Variants in ACYP2 observed in about 807,000 individuals in gnomAD.
ACYP2 encodes the protein acylphosphatase-2.
ACYP2 carries 12 observed loss-of-function variants against 11.2 expected under a neutral mutation model. That is an observed-to-expected ratio of 1.08 (90% confidence interval 0.69 to 1.74). The LOEUF (loss-of-function observed/expected upper bound fraction) is 1.74. ACYP2 is among the 40% of genes most tolerant of loss of function. The probability of loss-of-function intolerance (pLI) is 0.00; values close to 1 mark genes in which losing one functional copy is unlikely to be tolerated. For synonymous variants in ACYP2, 43 were observed against 32.2 expected (o/e 1.33, Z -1.13); for missense variants, 134 against 101.9 (o/e 1.31, Z -1.35).
intron 6 of ACYP2, among the ~76,000 whole-genome samples, chr2:54,140,069 T>G (rs1681517835): frequency 6.6e-6 from 1 of 152,212 alleles, no homozygotes; most frequent in African/African-American, 2.4e-5. Flanking sequence ...CACCTCAAAT[T>G]GAAAAGTGGG....
chr2:54,024,989 C>G (rs1268690807), intron 2 of ACYP2, among the ~76,000 whole-genome samples: 1 of 152,088 alleles, frequency 6.6e-6, no homozygotes, highest in African/African-American at 2.4e-5. Context: ...CATTTTACAA[C>G]AGCTGCAAAA....
chr2:54,152,074 A>G (rs921375843), intron 6 of ACYP2, among the ~76,000 whole-genome samples: 4 of 144,682 alleles, frequency 2.8e-5, no homozygotes, highest in Non-Finnish European at 4.5e-5. Context: ...ATATTGATAT[A>G]TTATTAATAA....
At chr2:54,293,671 T>G (rs556695707) in intron 6 of ACYP2, among the ~76,000 whole-genome samples, 1 of 152,348 alleles carries the variant, frequency 6.6e-6, no homozygotes. Context: ...TTGCACTAAG[T>G]GATTTACATA....
chr2:54,043,071 G>T (rs1451417307), intron 2 of ACYP2, among the ~76,000 whole-genome samples: 1 of 150,188 alleles, frequency 6.7e-6, no homozygotes, highest in African/African-American at 2.5e-5. Flanking sequence ...GGTGTGTGTG[G>T]GGTGTGTGTG....
rs929273791 is a variant in ACYP2, at chr2:54,214,133, G to C, written c.404+75385G>C. On this transcript the variant is annotated intron_variant, in intron 6 of 6. Transcript: ENST00000607452. The stretch of plus-strand genomic sequence containing the variant: ...TCGTTTAAGTTCCTTATAGATTCTG[G>C]ATATTCGAGCTTTGTTGGATGCATA... Among the ~76,000 whole-genome samples the C allele has an allele frequency of 3.3e-5, 5 of 151,998 alleles. No homozygotes were observed. The East Asian group carries it at 9.6e-4, about 29-fold the overall frequency.
chr2:54,243,613 G>T (rs1686824161), intron 6 of ACYP2, among the ~76,000 whole-genome samples: 1 of 152,054 alleles, frequency 6.6e-6, no homozygotes, highest in Non-Finnish European at 1.5e-5. Flanking sequence ...TCCTGCCTCA[G>T]CCTCCTGAGT....
chr2:54,017,961 A>G (rs181296712), intron 2 of ACYP2, among the ~76,000 whole-genome samples: 37 of 152,096 alleles, frequency 2.4e-4, no homozygotes, highest in African/African-American at 8.2e-4. Flanking sequence ...TGGCCTCCCA[A>G]ACTACTGGGA....
At chr2:53,975,223 C>CAAA (rs11437709) in intron 2 of ACYP2, 51 of 334,114 alleles carry the variant, frequency 1.5e-4, no homozygotes, top group South Asian at 3.2e-4. Flanking sequence ...GACTCTGTCT[C>CAAA]AAAAAAAAAA....
intron 2 of ACYP2, among the ~76,000 whole-genome samples, chr2:54,041,325 C>T (rs529117882): frequency 2.6e-5 from 4 of 152,090 alleles, no homozygotes; most frequent in Admixed American, 1.3e-4. Context: ...CATGATGCAG[C>T]GGTGGGTGTT....
intron 4 of ACYP2, among the ~76,000 whole-genome samples, chr2:54,134,168 C>T (rs1057059142): frequency 2.0e-5 from 3 of 152,238 alleles, no homozygotes; most frequent in African/African-American, 7.2e-5. Flanking sequence ...GTGGCTCATG[C>T]CTGGAGTCCT....
At chr2:54,002,505 C>A (rs1039825309) in intron 2 of ACYP2, among the ~76,000 whole-genome samples, 7 of 151,654 alleles carry the variant, frequency 4.6e-5, no homozygotes, top group African/African-American at 1.5e-4. Flanking sequence ...ACCACCATGC[C>A]CGGCTAATTT....
intron 6 of ACYP2, chr2:54,253,195 G>GT (rs1687316417): frequency 6.6e-6 from 1 of 152,052 alleles, no homozygotes; most frequent in Non-Finnish European, 1.5e-5. Flanking sequence ...ATATTTTGTA[G>GT]TTTATTTACC....
At chr2:54,184,401 C>T (rs1683881574) in intron 6 of ACYP2, among the ~76,000 whole-genome samples, 1 of 152,048 alleles carries the variant, frequency 6.6e-6, no homozygotes, top group South Asian at 2.1e-4. Flanking sequence ...GGACCTTATA[C>T]AGTGTGAGCC....
intron 2 of ACYP2, among the ~76,000 whole-genome samples, chr2:54,014,648 C>T (rs1307162910): frequency 6.6e-6 from 1 of 152,012 alleles, no homozygotes; most frequent in Non-Finnish European, 1.5e-5. Context: ...TAAATAAGCT[C>T]TTTTTATTTC....
chr2:53,980,948 T>G (rs1371717398), intron 2 of ACYP2, among the ~76,000 whole-genome samples: 1 of 152,076 alleles, frequency 6.6e-6, no homozygotes, highest in Non-Finnish European at 1.5e-5. Context: ...AATGGGGTTT[T>G]GCCGTGTTGC....
chr2:54,197,029 G>A (rs1482212328), intron 6 of ACYP2, among the ~76,000 whole-genome samples: 1 of 152,152 alleles, frequency 6.6e-6, no homozygotes, highest in Non-Finnish European at 1.5e-5. Flanking sequence ...TTAGGAGAAG[G>A]TACTAACAAG....
Position 54,137,010 on chromosome 2 carries a change from C to A in ACYP2, c.294+1541C>A, listed in dbSNP as rs552031511. ...AAAAAAGAGTTCTAGTAGACTGGAT[C>A]AATAGAAATTTTAGTATGATGTAGT... On this transcript the variant is annotated intron_variant, in intron 5 of 6. Transcript: ENST00000607452. Among the ~76,000 whole-genome samples the A allele has an allele frequency of 1.6e-4, 25 of 152,090 alleles. 1 individual carries two copies. The highest frequency in any genetic ancestry group is 1.6e-3 in the Admixed American group (25 of 15,268).
intron 6 of ACYP2, among the ~76,000 whole-genome samples, chr2:54,200,431 C>G (rs1684706172): frequency 6.6e-6 from 1 of 152,148 alleles, no homozygotes; most frequent in African/African-American, 2.4e-5. Flanking sequence ...TCCCTCTACC[C>G]TCAAACCCTG....
intron 6 of ACYP2, among the ~76,000 whole-genome samples, chr2:54,167,430 A>C (rs575066632): frequency 4.6e-5 from 7 of 152,230 alleles, no homozygotes; most frequent in Non-Finnish European, 1.0e-4. Flanking sequence ...GTATTACAAA[A>C]AATCTCAAAT....
Sources: allele counts gnomAD v4.1 joint callset (sites outside exome capture counted in the v4.1 genomes callset), GRCh38; gene constraint gnomAD v4.1.1; transcripts MANE v1.5; gene names NCBI Gene and HGNC (gene_info 2026-07-23, HGNC 2026-07-21).